The following STX5 variants were observed in gnomAD, a reference collection of about 807,000 sequenced individuals.
STX5 encodes syntaxin-5.
STX5 carries 15 observed loss-of-function variants against 42.9 expected under a neutral mutation model. The observed-to-expected ratio is 0.35, with a 90% confidence interval of 0.23 to 0.54. The LOEUF is 0.54. Among genes scored for constraint, STX5 ranks in the 20% least tolerant of loss-of-function variants. The pLI is 0.91. For synonymous variants in STX5, 184 were observed against 173.2 expected (o/e 1.06, Z -0.49); for missense variants, 430 against 455.0 (o/e 0.95, Z 0.50).
intron 2 of STX5, chr11:62,830,629 T>G: frequency 2.2e-6 from 1 of 459,932 alleles, no homozygotes; most frequent in Non-Finnish European, 4.2e-6. Flanking sequence ...TGTAACTAGA[T>G]TAACTAATTT....
Position 62,824,232 on chromosome 11 carries a change from A to G in STX5, c.842T>C (p.Val281Ala). 1 of 1,614,210 alleles carries G rather than the reference A, an allele frequency of 6.2e-7. No homozygotes were observed. The highest frequency in any genetic ancestry group is 8.5e-7 in the Non-Finnish European group (1 of 1,180,052). The change falls in exon 10 of 11, where the codon GTT (valine) becomes GCT (alanine). Residue 281 changes from valine (V) to alanine (A), a missense_variant. Transcript: ENST00000294179. The part of the protein sequence containing the change: ...DTMQNIESTI[V>A]ELGSIFQQLA... ...CTGCTGAAAGATGGAGCCCAACTCA[A>G]CAATTGTCGACTCAATGTTCTGCAT...
chr11:62,823,972 TG>T, intron 10 of STX5, 193 bp downstream of exon 10: 1 of 783,238 alleles, frequency 1.3e-6, no homozygotes, highest in Non-Finnish European at 2.0e-6. Context: ...CTCCCGCACC[TG>T]GAACAGTGCC....
chr11:62,820,167 G>A (rs1044536241), intron 10 of STX5, among the ~76,000 whole-genome samples: 75 of 151,342 alleles, frequency 5.0e-4, no homozygotes, highest in Admixed American at 1.6e-3. Context: ...TCAGGAGATC[G>A]AGACCATCCT....
intron 2 of STX5, chr11:62,830,655 G>A (rs1274130261): frequency 4.6e-5 from 22 of 479,322 alleles, no homozygotes; most frequent in Non-Finnish European, 4.4e-5. Flanking sequence ...TGGTTACAGA[G>A]CAAACTTATG....
Position 62,825,049 on chromosome 11 carries a change from G to A in STX5, c.666C>T (p.Ala222=), listed in dbSNP as rs770096519. 3.7e-6 allele frequency: 6 copies of A among 1,613,842 alleles called. No individual in the cohort carries two copies. In the African/African-American group the frequency reaches 8.0e-5, roughly 22 times the overall value. The part of the protein sequence containing the change: ...SRAPVSALPL[A]PNHLGGGAVV... Reference sequence around the variant, plus strand: ...CCTGTGACTTACCCAGGTGGTTAGGGGCAAGGGGCAGGGCTGACACAGGTG... The same window carrying A: ...CCTGTGACTTACCCAGGTGGTTAGGAGCAAGGGGCAGGGCTGACACAGGTG... Residue 222 remains alanine, a synonymous_variant, in exon 8 of 11, where the codon GCC becomes GCT. Transcript: ENST00000294179.
intron 10 of STX5, among the ~76,000 whole-genome samples, chr11:62,813,559 G>T (rs2084641002): frequency 6.6e-6 from 1 of 152,144 alleles, no homozygotes; most frequent in Non-Finnish European, 1.5e-5. Flanking sequence ...TTAGTGGATT[G>T]ATGTTCAGAA....
At chr11:62,808,717 A>C (rs995916157) in intron 10 of STX5, among the ~76,000 whole-genome samples, 1 of 152,224 alleles carries the variant, frequency 6.6e-6, no homozygotes, top group Non-Finnish European at 1.5e-5. Flanking sequence ...AATGCCCCAC[A>C]ATACCAAGGG....
intron 4 of STX5, 42 bp downstream of exon 4, chr11:62,827,301 T>G (rs1319216784): frequency 6.2e-7 from 1 of 1,614,176 alleles, no homozygotes; most frequent in Admixed American, 1.7e-5. Flanking sequence ...CAACCCTCTT[T>G]GATTTACTGC....
chr11:62,825,758 T>A (rs181772321), intron 5 of STX5, among the ~76,000 whole-genome samples: 1 of 152,144 alleles, frequency 6.6e-6, no homozygotes, highest in Non-Finnish European at 1.5e-5. Context: ...AGAGGCAAAA[T>A]AGGCCTTCAT....
Position 62,807,483 on chromosome 11 carries a change from C to T in STX5, c.1054G>A (p.Val352Ile), listed in dbSNP as rs771489130. ...ILIVFFIIFV[V>I]FLA ...GTAGAGAGGGTTCAAGCAAGGAAGA[C>T]CACAAAGATGATGAAGAAGACAATG... Residue 352 changes from valine to isoleucine, a missense_variant, in exon 11 of 11, where the codon GTC (valine) becomes ATC (isoleucine). Val to Ile is a conservative substitution (Grantham distance 29). Transcript: ENST00000294179. 12 of 1,613,784 alleles carry T rather than the reference C, an allele frequency of 7.4e-6. No homozygotes were observed. Among genetic ancestry groups the T allele is most frequent in the Admixed American group, 1.7e-5 (1 of 59,966 alleles).
At chr11:62,809,592 T>C (rs1331868000) in intron 10 of STX5, among the ~76,000 whole-genome samples, 2 of 134,070 alleles carry the variant, frequency 1.5e-5, no homozygotes, top group Non-Finnish European at 3.0e-5. Context: ...GAGAATGGTG[T>C]GAACCTGGGA....
chr11:62,813,439 T>C (rs1457098332), intron 10 of STX5, among the ~76,000 whole-genome samples: 1 of 152,132 alleles, frequency 6.6e-6, no homozygotes, highest in East Asian at 1.9e-4. Flanking sequence ...GAACCCCCTA[T>C]GGAATTTGTA....
chr11:62,808,405 G>A (rs551675365), intron 10 of STX5, among the ~76,000 whole-genome samples: 1 of 150,806 alleles, frequency 6.6e-6, no homozygotes, highest in South Asian at 2.1e-4. Flanking sequence ...ACTCCAGCAT[G>A]GGTGACATAG....
intron 10 of STX5, among the ~76,000 whole-genome samples, chr11:62,815,017 T>TC (rs1428975116): frequency 6.6e-6 from 1 of 151,892 alleles, no homozygotes; most frequent in Non-Finnish European, 1.5e-5. Flanking sequence ...TGGGTGTCTT[T>TC]TTTTTTTTTG....
chr11:62,831,129 C>A lies in STX5; in HGVS notation c.115G>T (p.Ala39Ser). Residue 39 changes from alanine (A) to serine (S), a missense_variant, in exon 2 of 11, where the codon GCC becomes TCC. Ala to Ser is a moderately conservative substitution (Grantham distance 99). Coordinates refer to ENST00000294179, the MANE Select transcript of STX5 (RefSeq NM_003164.5). ...ATAGSSSSDI[A>S]PLPPPVTLVP... Reference sequence around the variant, plus strand: ...AGGGTCACTGGGGGGGGCAGAGGGGCGATGTCGCTGCTGCTACTGCCAGCA... The same window carrying A: ...AGGGTCACTGGGGGGGGCAGAGGGGAGATGTCGCTGCTGCTACTGCCAGCA... 6.4e-7 allele frequency: 1 copy of A among 1,555,226 alleles called. No homozygotes were observed. Among genetic ancestry groups the A allele is most frequent in the Non-Finnish European group, 8.7e-7 (1 of 1,149,340 alleles).
intron 10 of STX5, among the ~76,000 whole-genome samples, chr11:62,810,206 C>T (rs1208845320): frequency 4.9e-4 from 74 of 151,852 alleles, no homozygotes; most frequent in Non-Finnish European, 5.9e-5. Context: ...CTTTGGGAAG[C>T]CAAGGTGGCT....
At chr11:62,828,655 G>A (rs535595891) in intron 2 of STX5, among the ~76,000 whole-genome samples, 2 of 152,300 alleles carry the variant, frequency 1.3e-5, no homozygotes, top group Admixed American at 6.5e-5. Flanking sequence ...GAACCTGGGA[G>A]GTGGAGGCTG....
At chr11:62,827,305 T>A (rs1429477733) in intron 4 of STX5, 38 bp downstream of exon 4, 1 of 1,614,126 alleles carries the variant, frequency 6.2e-7, no homozygotes. Context: ...CCTCTTTGAT[T>A]TACTGCCCCA....
chr11:62,828,852 G>C (rs1190238614), intron 2 of STX5, among the ~76,000 whole-genome samples: 2 of 151,992 alleles, frequency 1.3e-5, no homozygotes, highest in East Asian at 3.9e-4. Flanking sequence ...AGATCACGAG[G>C]TCAAGAGACA....
Sources: allele counts gnomAD v4.1 joint callset (sites outside exome capture counted in the v4.1 genomes callset), GRCh38; gene constraint gnomAD v4.1.1; transcripts MANE v1.5; gene names NCBI Gene and HGNC (gene_info 2026-07-23, HGNC 2026-07-21).